RBFOX3: variants seen among roughly 807,000 people sequenced by gnomAD.
The protein encoded by RBFOX3 is RNA binding protein fox-1 homolog 3.
A neutral mutation model predicts 48.7 loss-of-function variants in RBFOX3; 17 were observed. The ratio of observed to expected loss-of-function variants is 0.35; its 90% CI spans 0.24 to 0.52. The LOEUF (loss-of-function observed/expected upper bound fraction) is 0.52. Ranked by LOEUF, RBFOX3 falls within the 20% of genes least tolerant of loss-of-function variation. The pLI, the probability that RBFOX3 is intolerant of heterozygous loss-of-function variation, is 0.94. For synonymous variants in RBFOX3, 212 were observed against 209.5 expected, an observed-to-expected ratio of 1.01 and a Z score of -0.10; for missense variants, 382 against 497.5, an observed-to-expected ratio of 0.77 and a Z score of 2.21.
chr17:79,614,841 G>A (rs914405453), upstream of RBFOX3, among the ~76,000 whole-genome samples: 1,598 of 152,014 alleles, frequency 0.011, 28 homozygotes, highest in African/African-American at 0.036. Context: ...AGAAGAAAGA[G>A]GGGATGAAAA....
intron 1 of RBFOX3, among the ~76,000 whole-genome samples, chr17:79,561,273 G>A (rs1181816153): frequency 6.6e-6 from 1 of 152,168 alleles, no homozygotes; most frequent in African/African-American, 2.4e-5. Context: ...TTCAAAGGGA[G>A]TGTCAGGGGT....
intron 2 of RBFOX3, among the ~76,000 whole-genome samples, chr17:79,378,138 G>A (rs2059442174): frequency 1.3e-5 from 2 of 152,208 alleles, no homozygotes; most frequent in South Asian, 4.2e-4. Context: ...TAGGGGGGGC[G>A]CATCAGGGGT....
chr17:79,145,345 G>A (rs779630551), intron 4 of RBFOX3, among the ~76,000 whole-genome samples: 6 of 152,218 alleles, frequency 3.9e-5, no homozygotes, highest in Non-Finnish European at 8.8e-5. Context: ...GTTCTGAAAC[G>A]TGGCCGCACC....
At chr17:79,622,919 C>T in the RBFOX3 span, among the ~76,000 whole-genome samples, 6 of 152,190 alleles carry the variant, frequency 3.9e-5, no homozygotes, top group Admixed American at 3.9e-4. Context: ...TCCTCCCCTT[C>T]CCCAGCTGCC....
Position 79,257,109 on chromosome 17 carries a change from T to G in RBFOX3, c.-73-21304A>C, listed in dbSNP as rs184763864. On this transcript the variant is annotated intron_variant, in intron 3 of 14. Coordinates refer to ENST00000693108, the MANE Select transcript of RBFOX3 (RefSeq NM_001350451.2). Reference sequence around the variant, plus strand: ...TGAGGTTCGACTCACATCCTTCCCCTGGGAGAGAGGGTAGCACTGGGAAGC... The same window carrying G: ...TGAGGTTCGACTCACATCCTTCCCCGGGGAGAGAGGGTAGCACTGGGAAGC... Among the ~76,000 whole-genome samples the G allele has an allele frequency of 2.2e-3, 330 of 152,144 alleles. 3 individuals carry two copies. The highest frequency in any genetic ancestry group is 2.9e-3 in the Admixed American group (44 of 15,284).
rs1249461385 is a variant in RBFOX3, at chr17:79,243,268, G to A, written c.-73-7463C>T. Among the ~76,000 whole-genome samples the A allele has an allele frequency of 6.6e-6, 1 of 152,080 alleles. No homozygotes were observed. Among genetic ancestry groups the A allele is most frequent in the Non-Finnish European group, 1.5e-5 (1 of 68,008 alleles). On this transcript the variant is annotated intron_variant, in intron 3 of 14. Coordinates refer to ENST00000693108, the MANE Select transcript of RBFOX3 (RefSeq NM_001350451.2). This position sits in a 1 kb window ranked among gnomAD's most constrained non-coding sequence, Gnocchi z 7.9. Reference sequence around the variant, plus strand: ...ATTCTGCTCAGGCCAAGCACTCCCGGATAAACCCTGGAGTGTCAGAGTGAG... The same window carrying A: ...ATTCTGCTCAGGCCAAGCACTCCCGAATAAACCCTGGAGTGTCAGAGTGAG...
intron 1 of RBFOX3, among the ~76,000 whole-genome samples, chr17:79,488,335 C>T (rs761446888): frequency 2.7e-5 from 3 of 112,914 alleles, no homozygotes; most frequent in East Asian, 2.8e-4. Context: ...TGAGTTGAGG[C>T]GGAGCCCCCC....
At chr17:79,344,177 G>A (rs901263285) in intron 2 of RBFOX3, among the ~76,000 whole-genome samples, 3 of 152,132 alleles carry the variant, frequency 2.0e-5, no homozygotes, top group South Asian at 2.1e-4. Context: ...TCTATGTCCC[G>A]GGTCCTGAGG....
chr17:79,612,063 G>A (rs2093973696), upstream of RBFOX3, among the ~76,000 whole-genome samples: 1 of 152,152 alleles, frequency 6.6e-6, no homozygotes, highest in Non-Finnish European at 1.5e-5. Flanking sequence ...TGGAAAGGCA[G>A]GAGAGATCTA....
chr17:79,610,647 G>A (rs2093951834), intron 1 of RBFOX3, among the ~76,000 whole-genome samples, 179 bp downstream of exon 1: 1 of 151,888 alleles, frequency 6.6e-6, no homozygotes, highest in Non-Finnish European at 1.5e-5. Flanking sequence ...AGGGACCCCT[G>A]ACCCCGAGGG....
intron 1 of RBFOX3, among the ~76,000 whole-genome samples, chr17:79,596,221 C>A (rs2093566057): frequency 6.6e-6 from 1 of 152,220 alleles, no homozygotes; most frequent in African/African-American, 2.4e-5. Flanking sequence ...GGTTCACTTC[C>A]AAGGAAGGAG....
At chr17:79,504,396 T>C (rs1424109686) in intron 1 of RBFOX3, among the ~76,000 whole-genome samples, 1 of 152,220 alleles carries the variant, frequency 6.6e-6, no homozygotes, top group Non-Finnish European at 1.5e-5. Context: ...CTCCTGTTCC[T>C]GCAACAAATG....
At chr17:79,434,402 A>G (rs1272184939) in intron 2 of RBFOX3, among the ~76,000 whole-genome samples, 1 of 152,228 alleles carries the variant, frequency 6.6e-6, no homozygotes, top group African/African-American at 2.4e-5. Flanking sequence ...TTACGCAGCA[A>G]GAACTGACTT....
At chr17:79,229,402 C>CA (rs1162572615) in intron 4 of RBFOX3, among the ~76,000 whole-genome samples, 2 of 151,260 alleles carry the variant, frequency 1.3e-5, no homozygotes, top group Non-Finnish European at 3.0e-5. Context: ...ACTAAAAATA[C>CA]AAAAAAATTA....
intron 1 of RBFOX3, among the ~76,000 whole-genome samples, chr17:79,588,555 A>G (rs2093322868): frequency 6.6e-6 from 1 of 152,312 alleles, no homozygotes; most frequent in Non-Finnish European, 1.5e-5. Context: ...GTGTTGAGCT[A>G]TAGCCCACCC....
intron 3 of RBFOX3, among the ~76,000 whole-genome samples, chr17:79,287,600 G>A (rs1309237683): frequency 6.6e-6 from 1 of 152,174 alleles, no homozygotes; most frequent in African/African-American, 2.4e-5. Flanking sequence ...CCGGCCAACA[G>A]GCAGCTGGGC....
chr17:79,533,942 T>G (rs1220673748), intron 1 of RBFOX3, among the ~76,000 whole-genome samples: 2 of 152,230 alleles, frequency 1.3e-5, no homozygotes, highest in Non-Finnish European at 2.9e-5. Flanking sequence ...TATTTTGGGT[T>G]CTAAGTGGGA....
intron 4 of RBFOX3, among the ~76,000 whole-genome samples, chr17:79,181,962 AAC>A (rs56842759): frequency 0.21 from 31,004 of 148,090 alleles, 3,855 homozygotes; most frequent in Admixed American, 0.33. Context: ...GTCTCCAAGA[AAC>A]ACACACACAC....
intron 2 of RBFOX3, among the ~76,000 whole-genome samples, chr17:79,375,468 C>T (rs2059116936): frequency 6.6e-6 from 1 of 151,836 alleles, no homozygotes; most frequent in African/African-American, 2.4e-5. Context: ...TCAGGGATAA[C>T]ATACTCTCGG....
Sources: gnomAD v4.1 joint callset for allele counts (sites outside exome capture counted in the v4.1 genomes callset) on GRCh38, gnomAD v4.1.1 for gene constraint, Gnocchi (gnomAD v3.1) non-coding constraint, MANE v1.5 for transcripts, NCBI Gene and HGNC (gene_info 2026-07-23, HGNC 2026-07-21) for gene names.